Variants in CFAP46 observed in about 807,000 individuals in gnomAD.
The protein encoded by CFAP46 is cilia- and flagella-associated protein 46.
In CFAP46, 245 loss-of-function variants were observed where a neutral mutation model predicts 325.7. The ratio of observed to expected loss-of-function variants is 0.75; its 90% CI spans 0.68 to 0.84. The LOEUF (loss-of-function observed/expected upper bound fraction) is 0.84, where lower values mean the gene tolerates loss of function less well. Ranked by LOEUF, CFAP46 falls within the 40% of genes least tolerant of loss-of-function variation. The probability of loss-of-function intolerance (pLI) is 0.00; values close to 1 mark genes in which losing one functional copy is unlikely to be tolerated. For missense variants in CFAP46, 3,346 were observed against 3,543.0 expected (o/e 0.94, Z 1.41); for synonymous variants, 1,523 against 1,495.9 (o/e 1.02, Z -0.42).
Position 132,808,545 on chromosome 10 carries a change from A to G in CFAP46, c.8024T>C (p.Leu2675Pro), listed in dbSNP as rs1404089669. 1 of 1,613,000 alleles carries G rather than the reference A, an allele frequency of 6.2e-7. No individual in the cohort carries two copies. The highest frequency in any genetic ancestry group is 1.7e-5 in the Admixed American group (1 of 60,018). Residue 2675 changes from leucine (L) to proline (P), a missense_variant, in exon 58 of 58, where the codon CTG (leucine) becomes CCG (proline). By Grantham distance (98) the Leu-to-Pro change is moderately conservative. Coordinates refer to ENST00000368586, the MANE Select transcript of CFAP46 (RefSeq NM_001200049.3). This position sits in a 1 kb window ranked among gnomAD's most constrained non-coding sequence, Gnocchi z 6.8. ...SSACLCAPWGLRRGWSCVSSR... is the reference protein window; with the variant it reads ...SSACLCAPWGPRRGWSCVSSR... ...AGAGACGCAGCTCCAGCCCCGACGCAGACCCCATGGCGCACACAGGCAGGC... is the reference window on the plus strand; with the variant it reads ...AGAGACGCAGCTCCAGCCCCGACGCGGACCCCATGGCGCACACAGGCAGGC...
At position 132,931,975 on chromosome 10, in the gene CFAP46, G is replaced by A. The variant is rs528785346; in HGVS notation, c.867-2171C>T. On this transcript the variant is annotated intron_variant, in intron 8 of 57. Transcript: ENST00000368586. ...ACACAGAGGCTGGGCCTTCCTTGTCGCCACACAGAGCCTGGGCCTCCCCAC... is the reference window on the plus strand; with the variant it reads ...ACACAGAGGCTGGGCCTTCCTTGTCACCACACAGAGCCTGGGCCTCCCCAC... Among the ~76,000 whole-genome samples, 7 of 70,956 alleles carry A rather than the reference G, an allele frequency of 9.9e-5. No individual in the cohort carries two copies. In the South Asian group the frequency reaches 3.7e-3, roughly 37 times the overall value. 46.5% of individuals were successfully genotyped at this position (70,956 alleles called of 152,430 possible). A position where few individuals can be genotyped will look rare whatever the true frequency, so the allele number is the denominator to read the frequency against.
At chr10:132,849,278 T>G (rs1848495259) in intron 41 of CFAP46, among the ~76,000 whole-genome samples, 1 of 152,230 alleles carries the variant, frequency 6.6e-6, no homozygotes, top group Non-Finnish European at 1.5e-5. Context: ...ATGCAGAGCC[T>G]CGATTCCATC....
chr10:132,813,963 C>G (rs1347089003), intron 54 of CFAP46, among the ~76,000 whole-genome samples, 189 bp downstream of exon 54: 1 of 152,238 alleles, frequency 6.6e-6, no homozygotes, highest in Non-Finnish European at 1.5e-5. Flanking sequence ...ATCTGTAAAG[C>G]AGGGTAACAG....
chr10:132,923,315 C>A (rs540220926), intron 11 of CFAP46, among the ~76,000 whole-genome samples: 18 of 142,260 alleles, frequency 1.3e-4, no homozygotes, highest in Middle Eastern at 3.8e-3. Flanking sequence ...CTCGAGCAGC[C>A]ATGTGGGGGT....
chr10:132,916,257 G>C (rs770846902), intron 17 of CFAP46, among the ~76,000 whole-genome samples: 3 of 151,946 alleles, frequency 2.0e-5, no homozygotes, highest in Non-Finnish European at 4.4e-5. Flanking sequence ...GGGTGAGCAA[G>C]AGGGACACTA....
intron 22 of CFAP46, among the ~76,000 whole-genome samples, chr10:132,904,176 T>C (rs1333809402): frequency 6.6e-6 from 1 of 152,238 alleles, no homozygotes; most frequent in Non-Finnish European, 1.5e-5. Context: ...AAGTATCTCT[T>C]ACAAAGGCTG....
chr10:132,881,658 A>G (rs941018589), intron 27 of CFAP46, among the ~76,000 whole-genome samples: 3 of 72,576 alleles, frequency 4.1e-5, no homozygotes, highest in African/African-American at 9.6e-5. Flanking sequence ...CCTGCACCGC[A>G]CCCTCCGCAG....
intron 3 of CFAP46, among the ~76,000 whole-genome samples, chr10:132,941,350 C>T (rs1052271433): frequency 6.6e-6 from 1 of 152,230 alleles, no homozygotes; most frequent in African/African-American, 2.4e-5. Flanking sequence ...CAGCTGCAGG[C>T]GCAGATGCCA....
Position 132,860,477 on chromosome 10 carries a change from T to C in CFAP46, c.5138A>G (p.Lys1713Arg), listed in dbSNP as rs201719089. Residue 1713 changes from lysine (K) to arginine (R), a missense_variant, in exon 37 of 58, where the codon AAG becomes AGG. Transcript: ENST00000368586. ...AGGCAATCGGTTTGGTCTTTCTTTC[T>C]TGAGGATCTTGAAGGCATTGATGAG... ...QKLINAFKILKKERPNRLPLL... is the reference protein window; with the variant it reads ...QKLINAFKILRKERPNRLPLL... 5.7e-5 allele frequency: 88 copies of C among 1,551,150 alleles called. No individual in the cohort carries two copies. The highest frequency in any genetic ancestry group is 7.2e-5 in the Non-Finnish European group (83 of 1,147,140).
At chr10:132,810,565 G>T in intron 56 of CFAP46, 76 bp from the exon 57 acceptor site, 1 of 1,309,164 alleles carries the variant, frequency 7.6e-7, no homozygotes, top group Non-Finnish European at 1.1e-6. Context: ...ACAGGCCCGG[G>T]ATGCCAGGGG....
intron 50 of CFAP46, among the ~76,000 whole-genome samples, chr10:132,830,906 C>T (rs7067836): frequency 0.35 from 53,534 of 151,918 alleles, 10,359 homozygotes; most frequent in Admixed American, 0.51. Context: ...TCTTTCCTAA[C>T]ATACATGCTT....
chr10:132,872,532 A>G (rs941357185), intron 32 of CFAP46, 144 bp downstream of exon 32: 2 of 1,033,154 alleles, frequency 1.9e-6, no homozygotes, highest in African/African-American at 1.6e-5. Context: ...CCATTTTCAT[A>G]TTCAAATATT....
intron 7 of CFAP46, among the ~76,000 whole-genome samples, chr10:132,935,384 TCTC>T (rs1174397661): frequency 7.0e-6 from 1 of 141,974 alleles, no homozygotes; most frequent in African/African-American, 2.8e-5. Flanking sequence ...CACACTGTGA[TCTC>T]CTCACTCCCC....
chr10:132,907,936 C>A (rs904433623), intron 22 of CFAP46, among the ~76,000 whole-genome samples: 1 of 152,248 alleles, frequency 6.6e-6, no homozygotes, highest in African/African-American at 2.4e-5. Context: ...TTCCAGCCTC[C>A]GGAACTGTGA....
chr10:132,845,595 G>A (rs1848420403), intron 44 of CFAP46, among the ~76,000 whole-genome samples: 1 of 152,224 alleles, frequency 6.6e-6, no homozygotes, highest in African/African-American at 2.4e-5. Flanking sequence ...TTTAAATACT[G>A]CCATTCGCAT....
chr10:132,859,558 G>A (rs980644792), intron 37 of CFAP46, among the ~76,000 whole-genome samples: 3 of 152,140 alleles, frequency 2.0e-5, no homozygotes, highest in Non-Finnish European at 4.4e-5. Flanking sequence ...ACTCACTAGT[G>A]GAACAGAAAC....
intron 39 of CFAP46, among the ~76,000 whole-genome samples, chr10:132,851,723 G>A (rs567308089): frequency 5.3e-5 from 8 of 152,366 alleles, no homozygotes; most frequent in Non-Finnish European, 7.3e-5. Flanking sequence ...TCGGTGCACC[G>A]TGTGCACGCG....
At chr10:132,926,182 C>T (rs921696385) in intron 10 of CFAP46, among the ~76,000 whole-genome samples, 10 of 152,216 alleles carry the variant, frequency 6.6e-5, no homozygotes, top group Admixed American at 1.3e-4. Context: ...ATCATTAGGA[C>T]GCCTTCCCGG....
chr10:132,814,961 G>A (rs1847664989), intron 50 of CFAP46, 47 bp from the exon 51 acceptor site: 1 of 1,561,690 alleles, frequency 6.4e-7, no homozygotes, highest in Non-Finnish European at 8.8e-7. Flanking sequence ...GCAGCTCGAG[G>A]CAGCCCTCCG....
Sources: allele counts gnomAD v4.1 joint callset (sites outside exome capture counted in the v4.1 genomes callset), GRCh38; gene constraint gnomAD v4.1.1; non-coding constraint Gnocchi (gnomAD v3.1); transcripts MANE v1.5; gene names NCBI Gene and HGNC (gene_info 2026-07-23, HGNC 2026-07-21).